The following RAB7A variants were observed in gnomAD, a reference collection of about 807,000 sequenced individuals.
RAB7A encodes the protein RAB7A, member RAS oncogene family.
A neutral mutation model predicts 24.5 loss-of-function variants in RAB7A; 2 were observed. The ratio of observed to expected loss-of-function variants is 0.08; its 90% CI spans 0.03 to 0.26. RAB7A has a LOEUF of 0.26. Among genes scored for constraint, RAB7A ranks in the 10% least tolerant of loss-of-function variants. RAB7A has a pLI of 1.00. For missense variants in RAB7A, 118 were observed against 255.7 expected, an observed-to-expected ratio of 0.46 and a Z score of 3.67; for synonymous variants, 100 against 95.9, an observed-to-expected ratio of 1.04 and a Z score of -0.25.
intron 2 of RAB7A, 100 bp downstream of exon 2, chr3:128,795,520 T>C: frequency 8.9e-7 from 1 of 1,122,708 alleles, no homozygotes; most frequent in Non-Finnish European, 1.4e-6. Flanking sequence ...GCTTTCATAG[T>C]GAGGCTTAGG....
At chr3:128,741,616 T>C (rs146398738) in intron 1 of RAB7A, among the ~76,000 whole-genome samples, 4 of 152,248 alleles carry the variant, frequency 2.6e-5, no homozygotes, top group African/African-American at 9.6e-5. Flanking sequence ...ACTCCTGCAC[T>C]CAAGCAATCC....
chr3:128,765,206 C>A (rs1016873550), intron 1 of RAB7A, among the ~76,000 whole-genome samples: 1 of 152,202 alleles, frequency 6.6e-6, no homozygotes, highest in Non-Finnish European at 1.5e-5. Flanking sequence ...CGACTCTCGG[C>A]GAAGAATGTC....
At chr3:128,809,563 G>A (rs1933874098) in intron 5 of RAB7A, among the ~76,000 whole-genome samples, 1 of 152,180 alleles carries the variant, frequency 6.6e-6, no homozygotes, top group Non-Finnish European at 1.5e-5. Context: ...TTCCAACTCT[G>A]TGGTCTTTTT....
chr3:128,792,132 G>A (rs545687195), intron 1 of RAB7A, among the ~76,000 whole-genome samples: 4 of 152,340 alleles, frequency 2.6e-5, no homozygotes, highest in South Asian at 4.1e-4. Flanking sequence ...ACATTAAGAC[G>A]TAAGGTGGTC....
chr3:128,737,121 T>C (rs1027834150), intron 1 of RAB7A, among the ~76,000 whole-genome samples: 1 of 151,112 alleles, frequency 6.6e-6, no homozygotes, highest in African/African-American at 2.4e-5. Context: ...CACTGCAAGC[T>C]CCACCTTCCG....
At chr3:128,812,326 G>C (rs138724027) in intron 5 of RAB7A, among the ~76,000 whole-genome samples, 1,807 of 152,260 alleles carry the variant, frequency 0.012, 32 homozygotes, top group African/African-American at 0.039. Context: ...TGTTCGCCAG[G>C]CTGGTCTTGA....
At chr3:128,766,968 GT>G (rs796473784) in intron 1 of RAB7A, among the ~76,000 whole-genome samples, 24 of 147,274 alleles carry the variant, frequency 1.6e-4, no homozygotes, top group Middle Eastern at 3.6e-3. Context: ...CTCGTTTTCT[GT>G]TTTTTTTTTT....
At chr3:128,732,792 A>C (rs1376407503) in intron 1 of RAB7A, among the ~76,000 whole-genome samples, 1 of 152,040 alleles carries the variant, frequency 6.6e-6, no homozygotes, top group Non-Finnish European at 1.5e-5. Flanking sequence ...GTGGCACTGC[A>C]CTCCAGCCTG....
chr3:128,727,862 A>G (rs2070395971), intron 1 of RAB7A, among the ~76,000 whole-genome samples: 1 of 152,188 alleles, frequency 6.6e-6, no homozygotes, highest in Admixed American at 6.5e-5. Context: ...ATTTGAGTTT[A>G]AGGACTGGAA....
chr3:128,754,762 C>A (rs1444950557), intron 1 of RAB7A, among the ~76,000 whole-genome samples: 1 of 152,100 alleles, frequency 6.6e-6, no homozygotes, highest in Non-Finnish European at 1.5e-5. Context: ...ACACTAATAT[C>A]AGACAAAATA....
At chr3:128,786,941 A>G (rs915057000) in intron 1 of RAB7A, among the ~76,000 whole-genome samples, 11 of 152,250 alleles carry the variant, frequency 7.2e-5, no homozygotes, top group Non-Finnish European at 1.3e-4. Flanking sequence ...TGTTAATAAC[A>G]TGGGAAGATA....
intron 1 of RAB7A, among the ~76,000 whole-genome samples, chr3:128,764,011 G>C (rs975504083): frequency 6.6e-6 from 1 of 152,094 alleles, no homozygotes; most frequent in African/African-American, 2.4e-5. Context: ...TTGTTCATCA[G>C]ATTATTTCAG....
At chr3:128,802,815 A>AT (rs984038163) in intron 3 of RAB7A, among the ~76,000 whole-genome samples, 18 of 126,230 alleles carry the variant, frequency 1.4e-4, no homozygotes, top group Admixed American at 1.4e-3. Context: ...CCTATTTTTT[A>AT]TTTTTTTTGA....
intron 1 of RAB7A, among the ~76,000 whole-genome samples, chr3:128,738,714 C>T (rs984626366): frequency 6.6e-6 from 1 of 152,212 alleles, no homozygotes; most frequent in African/African-American, 2.4e-5. Flanking sequence ...AAGTCCCAGA[C>T]TGATTTACCT....
chr3:128,734,100 C>T (rs1262701493), intron 1 of RAB7A, among the ~76,000 whole-genome samples: 4 of 152,082 alleles, frequency 2.6e-5, no homozygotes, highest in African/African-American at 9.7e-5. Context: ...TTTGAGACTA[C>T]CTCTTGTAAA....
intron 1 of RAB7A, among the ~76,000 whole-genome samples, chr3:128,783,049 A>G (rs1399274308): frequency 6.6e-6 from 1 of 152,188 alleles, no homozygotes; most frequent in African/African-American, 2.4e-5. Context: ...ATATCTAAAC[A>G]AAGACAGATT....
chr3:128,795,276 G>A lies in RAB7A; in HGVS notation c.-8-84G>A, dbSNP rs555605547. 834 of 1,150,376 alleles carry A rather than the reference G, an allele frequency of 7.2e-4. 9 individuals are homozygous for A. In the South Asian group the frequency reaches 9.7e-3, roughly 13 times the overall value. 71.3% of individuals were successfully genotyped at this position (1,150,376 alleles called of 1,614,324 possible). A position where few individuals can be genotyped will look rare whatever the true frequency, so the allele number is the denominator to read the frequency against. ...AGGTTCAGGGCCCTGCACTGTTGGG[G>A]CTGCTCAGACATTTGTGCAAGGGAG... On this transcript the variant is annotated intron_variant, in intron 1 of 5. Coordinates refer to ENST00000265062, the MANE Select transcript of RAB7A (RefSeq NM_004637.6).
intron 1 of RAB7A, among the ~76,000 whole-genome samples, chr3:128,774,052 G>A (rs373971154): frequency 1.4e-5 from 2 of 141,644 alleles, no homozygotes; most frequent in African/African-American, 2.6e-5. Context: ...ATCCCCCTCT[G>A]CGAGAAACAC....
At chr3:128,809,518 A>G (rs1002498611) in intron 5 of RAB7A, among the ~76,000 whole-genome samples, 2 of 152,206 alleles carry the variant, frequency 1.3e-5, no homozygotes, top group African/African-American at 2.4e-5. Flanking sequence ...CTGTTGGTGA[A>G]TTGAAGTTAA....
Sources: gnomAD v4.1 joint callset for allele counts (sites outside exome capture counted in the v4.1 genomes callset) on GRCh38, gnomAD v4.1.1 for gene constraint, MANE v1.5 for transcripts, NCBI Gene and HGNC (gene_info 2026-07-23, HGNC 2026-07-21) for gene names.